Variants in EFCAB3 observed in about 807,000 individuals in gnomAD.
The protein encoded by EFCAB3 is EF-hand calcium-binding domain-containing protein 3.
Under a neutral mutation model 42.2 loss-of-function variants are expected in EFCAB3, and 36 were observed. The observed-to-expected ratio is 0.85, with a 90% CI of 0.65 to 1.13. EFCAB3 has a LOEUF of 1.13. EFCAB3 is among the 50% of genes most tolerant of loss of function. The pLI, the probability that EFCAB3 is intolerant of heterozygous loss-of-function variation, is 0.00. For synonymous variants in EFCAB3, 170 were observed against 172.8 expected (o/e 0.98, Z 0.13); for missense variants, 418 against 505.1 (o/e 0.83, Z 1.65).
chr17:62,406,452 C>A (rs764032646), intron 6 of EFCAB3, 28 bp from the exon 7 acceptor site: 2 of 1,541,918 alleles, frequency 1.3e-6, no homozygotes, highest in African/African-American at 2.8e-5. Flanking sequence ...TCTTTGTATC[C>A]ATTTCTGAAT....
chr17:62,392,586 T>C (rs1002359872), intron 4 of EFCAB3, among the ~76,000 whole-genome samples: 1 of 152,134 alleles, frequency 6.6e-6, no homozygotes, highest in African/African-American at 2.4e-5. Flanking sequence ...CCACCTATAT[T>C]GAATTTTAAA....
At position 62,396,753 on chromosome 17, in the gene EFCAB3, A is replaced by G. The variant is rs547577775; in HGVS notation, c.488+1565A>G. 9.9e-5 allele frequency among the ~76,000 whole-genome samples: 15 copies of G among 151,898 alleles called. No homozygotes were observed. In the East Asian group the frequency reaches 2.7e-3, roughly 28 times the overall value. ...ACAAAATTAAAAAAATTAACTAGGC[A>G]TGGTGGCGAATACCTGTAGTCCAAG... On this transcript the variant is annotated intron_variant, in intron 6 of 9. Coordinates refer to ENST00000305286, the MANE Select transcript of EFCAB3 (RefSeq NM_173503.4).
chr17:62,385,716 CTTTTTT>C (rs35067521), intron 2 of EFCAB3, among the ~76,000 whole-genome samples: 1 of 77,554 alleles, frequency 1.3e-5, no homozygotes, highest in Admixed American at 1.6e-4. Context: ...TCTAGTTTTA[CTTTTTT>C]TTTTTTTTTT....
At chr17:62,376,036 C>T (rs1167255786), upstream of EFCAB3, among the ~76,000 whole-genome samples, 1 of 152,142 alleles carries the variant, frequency 6.6e-6, no homozygotes, top group Non-Finnish European at 1.5e-5. Flanking sequence ...CACCTACTGC[C>T]ACTGAAATAT....
intron 3 of EFCAB3, 61 bp downstream of exon 3, chr17:62,387,477 TTCTC>T (rs35357444): frequency 0.13 from 179,793 of 1,388,516 alleles, 12,995 homozygotes; most frequent in South Asian, 0.26. Flanking sequence ...TGATCCTTTC[TTCTC>T]TAAGAAAGAT....
At chr17:62,379,756 G>A (rs1005784136), upstream of EFCAB3, among the ~76,000 whole-genome samples, 3 of 152,032 alleles carry the variant, frequency 2.0e-5, no homozygotes, top group Non-Finnish European at 4.4e-5. Context: ...TAACTCCTGC[G>A]CTAGAGTATT....
rs2543427 is a variant in EFCAB3 at position 62,413,823 on chromosome 17, C to T, written c.959C>T (p.Thr320Ile). The change falls in exon 9 of 10, where the codon ACA becomes ATA. Residue 320 changes from threonine (T) to isoleucine (I), a missense_variant. Thr to Ile is a moderately conservative substitution (Grantham distance 89). Transcript: ENST00000305286. Reference sequence around the variant, plus strand: ...ATGCTCAAGAAAAAGCAGACTTGTACAGTGGCCGATGCAACTGCTATTAAA... The same window carrying T: ...ATGCTCAAGAAAAAGCAGACTTGTATAGTGGCCGATGCAACTGCTATTAAA... ...DQMLKKKQTCTVADATAIKQH... is the reference protein window; with the variant it reads ...DQMLKKKQTCIVADATAIKQH... 1.2e-6 allele frequency: 2 copies of T among 1,612,980 alleles called. No individual in the cohort carries two copies. The highest frequency in any genetic ancestry group is 1.7e-5 in the Admixed American group (1 of 59,726).
At position 62,407,198 on chromosome 17, in the gene EFCAB3, G is replaced by A; in HGVS notation, c.853G>A (p.Asp285Asn). 1 of 1,585,944 alleles carries A rather than the reference G, an allele frequency of 6.3e-7. No homozygotes were observed. The highest frequency in any genetic ancestry group is 8.5e-7 in the Non-Finnish European group (1 of 1,170,524). ...FFEDYFFHKRDWKTQAANIKS... is the reference protein window; with the variant it reads ...FFEDYFFHKRNWKTQAANIKS... The stretch of plus-strand genomic sequence containing the variant: ...TGAGGATTATTTTTTCCATAAAAGA[G>A]ACTGGAAAACACAGGTGAGATTTAG... Residue 285 changes from aspartate (D) to asparagine (N), a missense_variant, in exon 8 of 10, where the codon GAC becomes AAC. Physicochemically the swap from Asp to Asn is conservative, Grantham distance 23. Coordinates refer to ENST00000305286, the MANE Select transcript of EFCAB3 (RefSeq NM_173503.4).
At chr17:62,412,698 A>C (rs1256428364) in intron 8 of EFCAB3, among the ~76,000 whole-genome samples, 3 of 151,854 alleles carry the variant, frequency 2.0e-5, no homozygotes, top group Admixed American at 6.6e-5. Flanking sequence ...GGGCTCAAGC[A>C]ATCCACCCTC....
At position 62,393,650 on chromosome 17, in the gene EFCAB3, T is replaced by C; in HGVS notation, c.367+6T>C. The C allele has an allele frequency of 6.2e-7, 1 of 1,613,126 alleles. No individual in the cohort carries two copies. The highest frequency in any genetic ancestry group is 8.5e-7 in the Non-Finnish European group (1 of 1,179,286). ...TCTCTTCCTCAAGGCAGTGGGTGAG[T>C]AGAGATGTTATGAACAGAAGGCAGT... On this transcript the variant is annotated splice_donor_region_variant and intron_variant, in intron 5 of 9. Coordinates refer to ENST00000305286, the MANE Select transcript of EFCAB3 (RefSeq NM_173503.4).
intron 8 of EFCAB3, among the ~76,000 whole-genome samples, chr17:62,409,947 C>T (rs894966117): frequency 3.3e-5 from 5 of 152,098 alleles, no homozygotes; most frequent in African/African-American, 1.2e-4. Flanking sequence ...TGCCTGTAAT[C>T]CCAGCACTTT....
chr17:62,381,829 T>G, intron 1 of EFCAB3: 1 of 434,880 alleles, frequency 2.3e-6, no homozygotes, highest in African/African-American at 2.0e-5. Context: ...ATTGAAGATG[T>G]CATTGCCCAG....
chr17:62,374,332 G>A (rs1194763462), intron 2 of EFCAB3, among the ~76,000 whole-genome samples: 6 of 152,022 alleles, frequency 3.9e-5, no homozygotes, highest in African/African-American at 9.7e-5. Context: ...GTCATGGTGC[G>A]TGCCTGTAGT....
At chr17:62,389,409 C>T (rs1368249289) in intron 3 of EFCAB3, among the ~76,000 whole-genome samples, 1 of 152,154 alleles carries the variant, frequency 6.6e-6, no homozygotes, top group African/African-American at 2.4e-5. Flanking sequence ...AGGGGCAGTC[C>T]CTCCAGGGCC....
At chr17:62,386,834 G>C (rs896127462) in intron 2 of EFCAB3, among the ~76,000 whole-genome samples, 2 of 152,116 alleles carry the variant, frequency 1.3e-5, no homozygotes, top group Non-Finnish European at 2.9e-5. Context: ...TGTCACCCAG[G>C]CTGAAGCATA....
chr17:62,406,988 T>C, intron 7 of EFCAB3, 40 bp from the exon 8 acceptor site: 1 of 1,546,730 alleles, frequency 6.5e-7, no homozygotes, highest in Non-Finnish European at 8.7e-7. Context: ...AACTTCTTCT[T>C]ACATTGTTTG....
chr17:62,377,668 T>C (rs879775796), upstream of EFCAB3, among the ~76,000 whole-genome samples: 8 of 152,196 alleles, frequency 5.3e-5, no homozygotes, highest in Non-Finnish European at 8.8e-5. Flanking sequence ...ACAGATCATC[T>C]TCCTCCTGAA....
chr17:62,412,156 A>G (rs1389997561), intron 8 of EFCAB3, among the ~76,000 whole-genome samples: 8 of 151,438 alleles, frequency 5.3e-5, no homozygotes, highest in Admixed American at 5.3e-4. Flanking sequence ...CAGGCGGATC[A>G]CCTGAGGTCA....
intron 3 of EFCAB3, among the ~76,000 whole-genome samples, chr17:62,390,476 T>G (rs986235412): frequency 5.9e-5 from 9 of 152,210 alleles, no homozygotes; most frequent in Non-Finnish European, 2.9e-5. Context: ...AGAATTACTT[T>G]TTCTTTTTTC....
Sources: gnomAD v4.1 joint callset for allele counts (sites outside exome capture counted in the v4.1 genomes callset) on GRCh38, gnomAD v4.1.1 for gene constraint, MANE v1.5 for transcripts, NCBI Gene and HGNC (gene_info 2026-07-23, HGNC 2026-07-21) for gene names.